The following LINGO2 variants were observed in gnomAD, a reference collection of about 807,000 sequenced individuals.
LINGO2 encodes the protein leucine rich repeat and Ig domain containing 2.
A neutral mutation model predicts 30.6 loss-of-function variants in LINGO2; 14 were observed. The observed-to-expected ratio is 0.46, with a 90% CI of 0.30 to 0.72. The LOEUF (loss-of-function observed/expected upper bound fraction) is 0.72. LINGO2 is among the 30% of genes least tolerant of loss of function. The pLI is 0.07. For synonymous variants in LINGO2, 317 were observed against 288.5 expected (o/e 1.10, Z -1.00); for missense variants, 729 against 751.7 (o/e 0.97, Z 0.35).
chr9:28,299,427 T>A (rs558758950), intron 3 of LINGO2, among the ~76,000 whole-genome samples: 1 of 150,684 alleles, frequency 6.6e-6, no homozygotes, highest in South Asian at 2.1e-4. Context: ...CCATTTATTA[T>A]TCACAAAATT....
At chr9:28,167,796 G>A (rs1359448377) in intron 4 of LINGO2, among the ~76,000 whole-genome samples, 2 of 152,196 alleles carry the variant, frequency 1.3e-5, no homozygotes, top group Non-Finnish European at 2.9e-5. Flanking sequence ...TGAAGCAGAA[G>A]TTGCTCAAAT....
At chr9:28,911,587 A>G in the LINGO2 span, among the ~76,000 whole-genome samples, 1 of 152,134 alleles carries the variant, frequency 6.6e-6, no homozygotes, top group African/African-American at 2.4e-5. Context: ...TCAAACAGCA[A>G]TAATATGAAA....
At chr9:28,143,852 C>G (rs1240198018) in intron 4 of LINGO2, among the ~76,000 whole-genome samples, 1 of 151,574 alleles carries the variant, frequency 6.6e-6, no homozygotes, top group Non-Finnish European at 1.5e-5. Context: ...ATATTTTAAT[C>G]CAGAGAAAAA....
At chr9:27,955,325 G>C (rs927630104) in intron 5 of LINGO2, among the ~76,000 whole-genome samples, 1 of 152,110 alleles carries the variant, frequency 6.6e-6, no homozygotes, top group Admixed American at 6.5e-5. Context: ...CCTAAATTAA[G>C]AAGAAAACTT....
the LINGO2 span, among the ~76,000 whole-genome samples, chr9:28,803,118 C>A: frequency 2.0e-5 from 3 of 152,004 alleles, no homozygotes; most frequent in African/African-American, 7.2e-5. Context: ...GCATTTAGAT[C>A]TTGTTATGGG....
chr9:28,143,282 G>A (rs1400502647), intron 4 of LINGO2, among the ~76,000 whole-genome samples: 3 of 152,132 alleles, frequency 2.0e-5, no homozygotes, highest in East Asian at 1.9e-4. Flanking sequence ...TAGTCCTGGA[G>A]AGTCAAAGAA....
intron 4 of LINGO2, among the ~76,000 whole-genome samples, chr9:28,249,103 T>G (rs950457203): frequency 1.7e-4 from 26 of 151,910 alleles, no homozygotes; most frequent in Non-Finnish European, 5.9e-5. Flanking sequence ...GAAATGTGGT[T>G]TCTTTTTTTT....
the LINGO2 span, among the ~76,000 whole-genome samples, chr9:28,816,965 T>C: frequency 3.9e-4 from 60 of 152,354 alleles, no homozygotes; most frequent in Non-Finnish European, 3.1e-4. Context: ...CCACAGCTTA[T>C]TAATTTACTA....
chr9:27,945,476 C>T (rs1823329888), downstream of LINGO2, among the ~76,000 whole-genome samples: 1 of 152,090 alleles, frequency 6.6e-6, no homozygotes, highest in African/African-American at 2.4e-5. Flanking sequence ...TTGTCAGTAA[C>T]AAGCAAAATT....
At chr9:28,531,098 T>A (rs1489587774) in intron 1 of LINGO2, among the ~76,000 whole-genome samples, 1 of 149,748 alleles carries the variant, frequency 6.7e-6, no homozygotes, top group Non-Finnish European at 1.5e-5. Context: ...AAGACTGGCA[T>A]CTTATACTTT....
intron 4 of LINGO2, among the ~76,000 whole-genome samples, chr9:28,088,783 G>A (rs1825988401): frequency 6.6e-6 from 1 of 152,100 alleles, no homozygotes; most frequent in African/African-American, 2.4e-5. Flanking sequence ...TGGATAAAGA[G>A]TCAAGACCCA....
chr9:28,239,105 C>G (rs1318418274), intron 4 of LINGO2, among the ~76,000 whole-genome samples: 2 of 151,956 alleles, frequency 1.3e-5, no homozygotes, highest in African/African-American at 4.8e-5. Context: ...AATGTATAAC[C>G]TGAGCAGACC....
intron 5 of LINGO2, among the ~76,000 whole-genome samples, chr9:27,966,279 T>C (rs1167891220): frequency 6.6e-6 from 1 of 152,124 alleles, no homozygotes; most frequent in Non-Finnish European, 1.5e-5. Flanking sequence ...GAGGTAATCA[T>C]ACTCAGGGCA....
chr9:28,552,550 G>A (rs917881859), intron 1 of LINGO2, among the ~76,000 whole-genome samples: 1 of 151,712 alleles, frequency 6.6e-6, no homozygotes, highest in Non-Finnish European at 1.5e-5. Context: ...TCTTAAGATG[G>A]ATCTATTGCT....
the LINGO2 span, among the ~76,000 whole-genome samples, chr9:28,716,002 T>G: frequency 6.6e-6 from 1 of 152,024 alleles, no homozygotes; most frequent in African/African-American, 2.4e-5. Flanking sequence ...ATAAAATGTG[T>G]TGTGATACCT....
chr9:28,005,634 G>A (rs1026236316), intron 5 of LINGO2, among the ~76,000 whole-genome samples: 12 of 151,972 alleles, frequency 7.9e-5, no homozygotes, highest in African/African-American at 2.7e-4. Context: ...GGGGCTGTAG[G>A]CTTGCTTGAG....
chr9:28,003,142 G>A (rs1281922588), intron 5 of LINGO2, among the ~76,000 whole-genome samples: 1 of 152,154 alleles, frequency 6.6e-6, no homozygotes, highest in Non-Finnish European at 1.5e-5. Context: ...GAAAGCATTA[G>A]TGATCCTGCC....
intron 2 of LINGO2, among the ~76,000 whole-genome samples, chr9:28,400,246 A>G (rs189828936): frequency 6.6e-6 from 1 of 152,326 alleles, no homozygotes; most frequent in Non-Finnish European, 1.5e-5. Flanking sequence ...TCCAAGTGCT[A>G]GCTCTGTCTC....
chr9:28,184,160 T>C (rs1031025232), intron 4 of LINGO2, among the ~76,000 whole-genome samples: 4 of 151,858 alleles, frequency 2.6e-5, no homozygotes, highest in Admixed American at 6.6e-5. Flanking sequence ...CACAGGAGGG[T>C]AAAATAGAAG....
Sources: allele counts gnomAD v4.1 joint callset (sites outside exome capture counted in the v4.1 genomes callset), GRCh38; gene constraint gnomAD v4.1.1; transcripts MANE v1.5; gene names NCBI Gene and HGNC (gene_info 2026-07-23, HGNC 2026-07-21).